The following ADARB2 variants were observed in gnomAD, a reference collection of about 807,000 sequenced individuals.
The protein encoded by ADARB2 is inactive double-stranded RNA-specific editase B2.
A neutral mutation model predicts 62.2 loss-of-function variants in ADARB2; 25 were observed. That is an observed-to-expected ratio of 0.40 (90% CI 0.29 to 0.56). The LOEUF is 0.56. Ranked by LOEUF, ADARB2 falls within the 20% of genes least tolerant of loss-of-function variation. ADARB2 has a pLI of 0.43. For missense variants in ADARB2, 1,071 were observed against 1,077.4 expected, an observed-to-expected ratio of 0.99 and a Z score of 0.08; for synonymous variants, 572 against 500.8, an observed-to-expected ratio of 1.14 and a Z score of -1.90.
At chr10:1,329,195 C>T (rs1040528765) in intron 3 of ADARB2, among the ~76,000 whole-genome samples, 4 of 152,112 alleles carry the variant, frequency 2.6e-5, no homozygotes, top group Admixed American at 6.5e-5. Flanking sequence ...GAGAGCATCT[C>T]GGCAGCTGTC....
chr10:1,388,496 C>A lies in ADARB2; in HGVS notation c.101-9336G>T, dbSNP rs536513310. On this transcript the variant is annotated intron_variant, in intron 1 of 9. Coordinates refer to ENST00000381312, the MANE Select transcript of ADARB2 (RefSeq NM_018702.4). ...CCTAAGGAAAGATGAAAACAACTACCAGAAATAATAAGTGAATTCAGCAAG... is the reference window on the plus strand; with the variant it reads ...CCTAAGGAAAGATGAAAACAACTACAAGAAATAATAAGTGAATTCAGCAAG... Among the ~76,000 whole-genome samples the A allele has an allele frequency of 3.9e-5, 6 of 152,152 alleles. No homozygotes were observed. In the South Asian group the frequency reaches 1.2e-3, roughly 32 times the overall value.
chr10:1,726,600 G>T (rs1835167764), intron 1 of ADARB2, among the ~76,000 whole-genome samples: 1 of 152,184 alleles, frequency 6.6e-6, no homozygotes, highest in South Asian at 2.1e-4. Context: ...CACGAACGAG[G>T]CCATGCTCTG....
chr10:1,277,591 C>G (rs1012567129), intron 3 of ADARB2, among the ~76,000 whole-genome samples: 7 of 152,288 alleles, frequency 4.6e-5, no homozygotes, highest in South Asian at 2.1e-4. Context: ...AAAACAGGCT[C>G]TGAAATTGAG....
At chr10:1,683,746 G>T (rs143491283) in intron 1 of ADARB2, among the ~76,000 whole-genome samples, 231 of 152,350 alleles carry the variant, frequency 1.5e-3, no homozygotes, top group African/African-American at 5.4e-3. Flanking sequence ...AAGACATCAT[G>T]ACTGTTTCTG....
intron 1 of ADARB2, among the ~76,000 whole-genome samples, chr10:1,605,875 A>C (rs146874578): frequency 1.3e-5 from 2 of 152,350 alleles, no homozygotes; most frequent in Admixed American, 6.5e-5. Context: ...ATGAATGTCT[A>C]AAGTCAATGA....
At chr10:1,197,131 C>T (rs1240035519) in intron 8 of ADARB2, among the ~76,000 whole-genome samples, 1 of 152,124 alleles carries the variant, frequency 6.6e-6, no homozygotes, top group African/African-American at 2.4e-5. Flanking sequence ...AATCACTTAC[C>T]ATCTGGATAA....
At chr10:1,226,871 C>A (rs1830752262) in intron 6 of ADARB2, among the ~76,000 whole-genome samples, 1 of 99,518 alleles carries the variant, frequency 1.0e-5, no homozygotes, top group Admixed American at 9.2e-5. Context: ...TGGAGGCAGT[C>A]CACCCGATCT....
intron 3 of ADARB2, among the ~76,000 whole-genome samples, chr10:1,342,206 C>T (rs1487699577): frequency 6.6e-6 from 1 of 152,160 alleles, no homozygotes; most frequent in African/African-American, 2.4e-5. Context: ...ATTTTTAACC[C>T]TCTGCCTGGA....
At chr10:1,556,568 T>G (rs1253317140) in intron 1 of ADARB2, 1 of 420,052 alleles carries the variant, frequency 2.4e-6, no homozygotes, top group East Asian at 7.2e-5. Flanking sequence ...CTCCATGGTC[T>G]GGGGAGGGCC....
At chr10:1,401,664 AGAG>A (rs1832664396) in intron 1 of ADARB2, among the ~76,000 whole-genome samples, 1 of 152,214 alleles carries the variant, frequency 6.6e-6, no homozygotes, top group African/African-American at 2.4e-5. Context: ...TTTCTACCGA[AGAG>A]CGGCGGCTTC....
chr10:1,580,574 TC>T (rs1833084352), intron 1 of ADARB2, among the ~76,000 whole-genome samples: 1 of 151,418 alleles, frequency 6.6e-6, no homozygotes, highest in African/African-American at 2.4e-5. Flanking sequence ...TAGAGAGAGC[TC>T]CCCTGTACCT....
At chr10:1,330,462 A>G (rs1385742928) in intron 3 of ADARB2, among the ~76,000 whole-genome samples, 1 of 152,254 alleles carries the variant, frequency 6.6e-6, no homozygotes, top group African/African-American at 2.4e-5. Context: ...ACAGGAATAA[A>G]GATGAATTTC....
chr10:1,526,660 C>T (rs1832148855), intron 1 of ADARB2: 2 of 234,926 alleles, frequency 8.5e-6, no homozygotes, highest in Admixed American at 5.2e-5. Context: ...GATGCTGGTG[C>T]CACGCTTCCT....
chr10:1,339,161 C>A (rs1832000497), intron 3 of ADARB2, among the ~76,000 whole-genome samples: 3 of 152,220 alleles, frequency 2.0e-5, no homozygotes, highest in Non-Finnish European at 4.4e-5. Context: ...TGTCTTCCTG[C>A]CACGCCTGTA....
At chr10:1,672,474 A>C (rs1834399048) in intron 1 of ADARB2, among the ~76,000 whole-genome samples, 1 of 152,212 alleles carries the variant, frequency 6.6e-6, no homozygotes, top group Admixed American at 6.5e-5. Flanking sequence ...TCCGCCAGGA[A>C]GGTCCACCTC....
At chr10:1,408,820 T>C (rs1386387532) in intron 1 of ADARB2, among the ~76,000 whole-genome samples, 1 of 152,214 alleles carries the variant, frequency 6.6e-6, no homozygotes, top group East Asian at 1.9e-4. Flanking sequence ...GAATTGTGTC[T>C]GCACCAGCAC....
At chr10:1,404,654 C>T (rs1832691874) in intron 1 of ADARB2, among the ~76,000 whole-genome samples, 1 of 152,204 alleles carries the variant, frequency 6.6e-6, no homozygotes, top group African/African-American at 2.4e-5. Flanking sequence ...TCTCTGGTGC[C>T]TGGCGAGTCT....
intron 1 of ADARB2, among the ~76,000 whole-genome samples, chr10:1,502,391 G>A (rs1831777479): frequency 1.3e-5 from 2 of 152,232 alleles, no homozygotes; most frequent in Non-Finnish European, 2.9e-5. Flanking sequence ...CTCACAGGCA[G>A]ACCCACACAT....
intron 3 of ADARB2, among the ~76,000 whole-genome samples, chr10:1,276,771 A>G (rs1831321951): frequency 6.6e-6 from 1 of 152,232 alleles, no homozygotes; most frequent in South Asian, 2.1e-4. Flanking sequence ...AGACATCTAC[A>G]GAACTCTCCA....
Sources: allele counts gnomAD v4.1 joint callset (sites outside exome capture counted in the v4.1 genomes callset), GRCh38; gene constraint gnomAD v4.1.1; transcripts MANE v1.5; gene names NCBI Gene and HGNC (gene_info 2026-07-23, HGNC 2026-07-21).